The following NPFFR2 variants were observed in gnomAD, a reference collection of about 807,000 sequenced individuals.
NPFFR2 encodes G-protein coupled receptor 74.
Under a neutral mutation model 13.1 loss-of-function variants are expected in NPFFR2, and 15 were observed. That is an observed-to-expected ratio of 1.15 (90% CI 0.77 to 1.76). NPFFR2 has a LOEUF of 1.76. Ranked by LOEUF, NPFFR2 falls within the 40% of genes most tolerant of loss-of-function variation. NPFFR2 has a pLI of 0.00. For missense variants in NPFFR2, 572 were observed against 503.5 expected, an observed-to-expected ratio of 1.14 and a Z score of -1.30; for synonymous variants, 190 against 175.7, an observed-to-expected ratio of 1.08 and a Z score of -0.65.
chr4:72,052,230 G>A (rs1719608054), intron 1 of NPFFR2, among the ~76,000 whole-genome samples: 1 of 78,640 alleles, frequency 1.3e-5, no homozygotes, highest in South Asian at 4.3e-4. Context: ...GATGAACATT[G>A]ATGCAGAAAT....
At position 72,147,886 on chromosome 4, in the gene NPFFR2, C is replaced by T. The variant is rs1431918033; in HGVS notation, c.*74C>T. The T allele has an allele frequency of 8.7e-7, 1 of 1,151,114 alleles. No homozygotes were observed. The highest frequency in any genetic ancestry group is 1.6e-5 in the African/African-American group (1 of 63,618). The allele number at this position is 1,151,114 out of a possible 1,614,324, so 71.3% of individuals were successfully genotyped here. The stretch of plus-strand genomic sequence containing the variant: ...ATCCATTGCTTTTTGTGGCTTTGCA[C>T]TTCAAATTTTTCAAAGAATGTTCTA... On this transcript the variant is annotated 3_prime_UTR_variant, in exon 4 of 4. Transcript: ENST00000308744.
intron 3 of NPFFR2, among the ~76,000 whole-genome samples, chr4:72,140,451 G>T (rs1722570073): frequency 6.6e-6 from 1 of 152,088 alleles, no homozygotes; most frequent in Non-Finnish European, 1.5e-5. Context: ...CTAGATTATT[G>T]AGAGTTTTTA....
At chr4:72,065,360 T>G (rs1720035119) in intron 1 of NPFFR2, among the ~76,000 whole-genome samples, 2 of 152,218 alleles carry the variant, frequency 1.3e-5, no homozygotes, top group South Asian at 4.1e-4. Flanking sequence ...TAAATAATCT[T>G]AATTCTTAAA....
At chr4:72,127,303 CAAAAAAAAAAAAA>C (rs772559589) in intron 1 of NPFFR2, among the ~76,000 whole-genome samples, 3 of 11,424 alleles carry the variant, frequency 2.6e-4, no homozygotes, top group South Asian at 0.022. Context: ...GACTCCATCT[CAAAAAAAAAAAAA>C]AAAAAAAAAA....
At chr4:72,076,407 A>G (rs1380350090) in intron 1 of NPFFR2, among the ~76,000 whole-genome samples, 2 of 152,210 alleles carry the variant, frequency 1.3e-5, no homozygotes, top group Admixed American at 1.3e-4. Context: ...GTACTCATTT[A>G]TATCTCCTTT....
intron 2 of NPFFR2, among the ~76,000 whole-genome samples, chr4:72,134,911 A>G (rs1722359359): frequency 6.6e-6 from 1 of 151,092 alleles, no homozygotes; most frequent in Non-Finnish European, 1.5e-5. Flanking sequence ...TCTGGATGCC[A>G]TGTCCCCTTC....
chr4:72,142,649 A>G (rs1722666170), intron 3 of NPFFR2, among the ~76,000 whole-genome samples: 1 of 152,254 alleles, frequency 6.6e-6, no homozygotes, highest in Non-Finnish European at 1.5e-5. Context: ...TGAATTTTCC[A>G]TACTTTAAAA....
intron 1 of NPFFR2, among the ~76,000 whole-genome samples, chr4:72,097,458 C>T (rs544863611): frequency 1.6e-4 from 25 of 152,228 alleles, no homozygotes; most frequent in Non-Finnish European, 3.4e-4. Context: ...GTGACCAGCT[C>T]ATAAGGTAAC....
chr4:72,065,046 A>G (rs978685639), intron 1 of NPFFR2, among the ~76,000 whole-genome samples: 2 of 152,092 alleles, frequency 1.3e-5, no homozygotes, highest in African/African-American at 4.8e-5. Flanking sequence ...TCCAGTGGCC[A>G]GAGACAGAAA....
chr4:72,124,101 A>G (rs28809480), intron 1 of NPFFR2, among the ~76,000 whole-genome samples: 10,694 of 152,198 alleles, frequency 0.07, 1,148 homozygotes, highest in African/African-American at 0.23. Context: ...AAAATCACAA[A>G]CATTCCTATA....
chr4:72,140,967 A>T lies in NPFFR2; in HGVS notation c.428+2828A>T, dbSNP rs190027610. 4.6e-5 allele frequency among the ~76,000 whole-genome samples: 7 copies of T among 152,042 alleles called. No individual in the cohort carries two copies. In the East Asian group the frequency reaches 1.4e-3, roughly 29 times the overall value. ...CTGTTATTGGTCTGTTCAGAGATTCAACTTCTTGGTTTAGTCTTGGAAGGG... is the reference window on the plus strand; with the variant it reads ...CTGTTATTGGTCTGTTCAGAGATTCTACTTCTTGGTTTAGTCTTGGAAGGG... On this transcript the variant is annotated intron_variant, in intron 3 of 3. Transcript: ENST00000308744.
intron 1 of NPFFR2, among the ~76,000 whole-genome samples, chr4:72,047,306 A>C (rs536182699): frequency 6.6e-4 from 100 of 152,294 alleles, no homozygotes; most frequent in Non-Finnish European, 1.2e-3. Context: ...CCCTGAAGGC[A>C]TTTCACTTAT....
chr4:72,134,028 G>A (rs1722332597), intron 2 of NPFFR2, among the ~76,000 whole-genome samples: 1 of 152,134 alleles, frequency 6.6e-6, no homozygotes, highest in Non-Finnish European at 1.5e-5. Flanking sequence ...ATTTTGGGAG[G>A]CCAAGGCAGA....
chr4:72,054,066 G>A (rs1221760812), intron 1 of NPFFR2, among the ~76,000 whole-genome samples: 1 of 151,824 alleles, frequency 6.6e-6, no homozygotes, highest in Non-Finnish European at 1.5e-5. Context: ...TTGATCTATA[G>A]ACACTATTGA....
chr4:72,078,031 G>C (rs1026234611), intron 1 of NPFFR2, among the ~76,000 whole-genome samples: 1 of 152,032 alleles, frequency 6.6e-6, no homozygotes, highest in African/African-American at 2.4e-5. Flanking sequence ...AATAAAAAAT[G>C]AGTGCAATAT....
chr4:72,131,088 CCTT>C (rs1340527008), intron 2 of NPFFR2, among the ~76,000 whole-genome samples: 1 of 151,914 alleles, frequency 6.6e-6, no homozygotes, highest in African/African-American at 2.4e-5. Context: ...TGTCTTCTCT[CCTT>C]CTCTGCCGCA....
intron 1 of NPFFR2, among the ~76,000 whole-genome samples, chr4:72,054,007 ACT>A (rs1479112334): frequency 6.6e-6 from 1 of 151,828 alleles, no homozygotes; most frequent in Non-Finnish European, 1.5e-5. Context: ...TTTATGAGAA[ACT>A]CAATATTATT....
At chr4:72,101,343 T>C (rs1721242694) in intron 1 of NPFFR2, among the ~76,000 whole-genome samples, 1 of 151,974 alleles carries the variant, frequency 6.6e-6, no homozygotes, top group African/African-American at 2.4e-5. Context: ...ATCAACTCTG[T>C]AAAAACGATC....
In NPFFR2 at chr4:72,032,153, G is replaced by C; in HGVS notation, c.-55G>C. 6.2e-7 allele frequency: 1 copy of C among 1,613,800 alleles called. No individual in the cohort carries two copies. The highest frequency in any genetic ancestry group is 8.5e-7 in the Non-Finnish European group (1 of 1,179,810). On this transcript the variant is annotated 5_prime_UTR_variant, in exon 1 of 4. Transcript: ENST00000308744. ...GGGACAGAACCTGTTGCTGCAGACG[G>C]GCTTGGTGGATTCTGGTTCCTGCCG...
Sources: allele counts gnomAD v4.1 joint callset (sites outside exome capture counted in the v4.1 genomes callset), GRCh38; gene constraint gnomAD v4.1.1; transcripts MANE v1.5; gene names NCBI Gene and HGNC (gene_info 2026-07-23, HGNC 2026-07-21).